Variants in SPON1 observed in about 807,000 individuals in gnomAD.
The protein encoded by SPON1 is spondin 1.
A neutral mutation model predicts 111.7 loss-of-function variants in SPON1; 52 were observed. The ratio of observed to expected loss-of-function variants is 0.47; its 90% confidence interval spans 0.37 to 0.59. The LOEUF (loss-of-function observed/expected upper bound fraction) is 0.59, where lower values mean the gene tolerates loss of function less well. Ranked by LOEUF, SPON1 falls within the 20% of genes least tolerant of loss-of-function variation. The pLI, the probability that SPON1 is intolerant of heterozygous loss-of-function variation, is 0.00. For missense variants in SPON1, 957 were observed against 1,068.5 expected, an observed-to-expected ratio of 0.90 and a Z score of 1.46; for synonymous variants, 410 against 395.8, an observed-to-expected ratio of 1.04 and a Z score of -0.43.
chr11:14,173,435 C>T (rs1003622531), intron 6 of SPON1, among the ~76,000 whole-genome samples: 1 of 152,022 alleles, frequency 6.6e-6, no homozygotes, highest in Non-Finnish European at 1.5e-5. Flanking sequence ...GCCATTGGTT[C>T]GAACTTCCTC....
chr11:14,090,193 G>A (rs1372690645), intron 5 of SPON1, among the ~76,000 whole-genome samples: 2 of 97,094 alleles, frequency 2.1e-5, no homozygotes, highest in African/African-American at 4.0e-5. Context: ...GGCACCACTA[G>A]GGTATGAAAA....
intron 5 of SPON1, among the ~76,000 whole-genome samples, chr11:14,117,313 A>G (rs72858661): frequency 0.032 from 4,935 of 152,238 alleles, 128 homozygotes; most frequent in Non-Finnish European, 0.051. Context: ...GATTATTGCT[A>G]TGGCTTTTTT....
intron 5 of SPON1, among the ~76,000 whole-genome samples, chr11:14,106,284 T>C (rs1231385271): frequency 6.6e-6 from 1 of 152,198 alleles, no homozygotes; most frequent in Non-Finnish European, 1.5e-5. Flanking sequence ...ACTTTTCCTT[T>C]GTATGAAAAT....
At chr11:14,153,971 A>G (rs1013410394) in intron 6 of SPON1, among the ~76,000 whole-genome samples, 1 of 152,130 alleles carries the variant, frequency 6.6e-6, no homozygotes, top group Non-Finnish European at 1.5e-5. Flanking sequence ...ATCTCCTTAG[A>G]CTCCATGTCT....
chr11:14,192,950 C>G (rs1848364027), intron 6 of SPON1, among the ~76,000 whole-genome samples: 1 of 152,176 alleles, frequency 6.6e-6, no homozygotes, highest in African/African-American at 2.4e-5. Flanking sequence ...GGCATCCAAA[C>G]TGGTGTTTCC....
At chr11:14,244,044 A>G (rs1441407516) in intron 7 of SPON1, among the ~76,000 whole-genome samples, 1 of 152,232 alleles carries the variant, frequency 6.6e-6, no homozygotes, top group Non-Finnish European at 1.5e-5. Flanking sequence ...TTGAAAGTAC[A>G]GTGAGTGTCA....
chr11:14,165,781 C>T (rs531371103), intron 6 of SPON1, among the ~76,000 whole-genome samples: 2 of 152,318 alleles, frequency 1.3e-5, no homozygotes, highest in Non-Finnish European at 1.5e-5. Context: ...ATAGAACTGA[C>T]TTGTTTACAA....
intron 3 of SPON1, among the ~76,000 whole-genome samples, chr11:14,069,509 A>C (rs547568331): frequency 2.6e-5 from 4 of 151,984 alleles, no homozygotes; most frequent in Non-Finnish European, 5.9e-5. Flanking sequence ...GAAGTTAGTC[A>C]CTTCACCTCT....
chr11:14,041,676 C>A lies in SPON1; in HGVS notation c.479+22C>A. 1.9e-6 allele frequency: 3 copies of A among 1,612,436 alleles called. No individual in the cohort carries two copies. In the Middle Eastern group the frequency reaches 5.0e-4, roughly 267 times the overall value. ...TGAAGTAAGTAAACATGGAATCCTT[C>A]CCTGCAGTTTATCAAAGACTTTGTG... On this transcript the variant is annotated intron_variant, in intron 3 of 15. Coordinates refer to ENST00000576479, the MANE Select transcript of SPON1 (RefSeq NM_006108.4).
At position 14,265,636 on chromosome 11, in the gene SPON1, C is replaced by T. The variant is rs143179205; in HGVS notation, c.2373C>T (p.Thr791=). The change falls in exon 16 of 16, where the codon ACC becomes ACT. Residue 791 remains threonine (T), a synonymous_variant. Transcript: ENST00000576479. ...VKKRFKSSQF[T]SCKDKKEIRA... Reference sequence around the variant, plus strand: ...AGAGATTCAAAAGCTCCCAGTTTACCAGCTGCAAAGACAAGAAGGAGATCA... The same window carrying T: ...AGAGATTCAAAAGCTCCCAGTTTACTAGCTGCAAAGACAAGAAGGAGATCA... The T allele has an allele frequency of 6.2e-7, 1 of 1,613,694 alleles. No homozygotes were observed.
intron 5 of SPON1, among the ~76,000 whole-genome samples, chr11:14,089,678 C>T (rs1477217992): frequency 6.6e-6 from 1 of 152,060 alleles, no homozygotes; most frequent in Non-Finnish European, 1.5e-5. Flanking sequence ...GTAGAATCCT[C>T]CTTGTCAGGA....
intron 5 of SPON1, among the ~76,000 whole-genome samples, chr11:14,093,862 T>C (rs75143681): frequency 6.6e-6 from 1 of 152,224 alleles, no homozygotes; most frequent in Admixed American, 6.5e-5. Flanking sequence ...TATTGTTTTA[T>C]TGATCATTTA....
chr11:14,104,550 T>A (rs1554924727), intron 5 of SPON1, among the ~76,000 whole-genome samples: 1 of 152,124 alleles, frequency 6.6e-6, no homozygotes, highest in African/African-American at 2.4e-5. Flanking sequence ...CCCTACTCTG[T>A]TACTGCTTCC....
intron 14 of SPON1, among the ~76,000 whole-genome samples, chr11:14,262,197 C>A (rs576855252): frequency 6.6e-6 from 1 of 152,288 alleles, no homozygotes; most frequent in Admixed American, 6.5e-5. Flanking sequence ...ATATATAGAA[C>A]ACAGGATGAT....
chr11:14,063,668 A>C (rs952835886), intron 3 of SPON1, among the ~76,000 whole-genome samples: 1 of 152,232 alleles, frequency 6.6e-6, no homozygotes, highest in Non-Finnish European at 1.5e-5. Flanking sequence ...AAGAAGAAAC[A>C]TGGGGCAACT....
chr11:14,117,650 T>C (rs898024392), intron 5 of SPON1, among the ~76,000 whole-genome samples: 11 of 152,202 alleles, frequency 7.2e-5, no homozygotes, highest in Non-Finnish European at 1.5e-4. Flanking sequence ...TTACCTCAAT[T>C]TTGAGATGGA....
intron 2 of SPON1, among the ~76,000 whole-genome samples, chr11:14,013,879 A>G (rs1041284003): frequency 1.3e-5 from 2 of 152,196 alleles, no homozygotes; most frequent in African/African-American, 2.4e-5. Context: ...CCATACAGCA[A>G]TGATTTCCCA....
chr11:14,201,274 A>G (rs1447694713), intron 6 of SPON1, among the ~76,000 whole-genome samples: 20 of 151,974 alleles, frequency 1.3e-4, no homozygotes, highest in African/African-American at 4.6e-4. Flanking sequence ...CAGGAGGCAG[A>G]GCTTGCAATG....
At chr11:14,064,140 C>T (rs1848812811) in intron 3 of SPON1, among the ~76,000 whole-genome samples, 1 of 152,152 alleles carries the variant, frequency 6.6e-6, no homozygotes, top group Non-Finnish European at 1.5e-5. Flanking sequence ...AAGCTCAGTG[C>T]CAAATGTTAG....
Sources: gnomAD v4.1 joint callset for allele counts (sites outside exome capture counted in the v4.1 genomes callset) on GRCh38, gnomAD v4.1.1 for gene constraint, MANE v1.5 for transcripts, NCBI Gene and HGNC (gene_info 2026-07-23, HGNC 2026-07-21) for gene names.